Variants in CCDC146 observed in about 807,000 individuals in gnomAD.
CCDC146 encodes the protein coiled-coil domain containing 146.
Under a neutral mutation model 119.3 loss-of-function variants are expected in CCDC146, and 92 were observed. That is an observed-to-expected ratio of 0.77 (90% CI 0.65 to 0.92). CCDC146 has a LOEUF of 0.92. Among genes scored for constraint, CCDC146 ranks in the 40% least tolerant of loss-of-function variants. The pLI, the probability that CCDC146 is intolerant of heterozygous loss-of-function variation, is 0.00. For missense variants in CCDC146, 1,000 were observed against 1,103.0 expected (o/e 0.91, Z 1.32); for synonymous variants, 372 against 371.8 (o/e 1.00, Z -0.01).
At chr7:77,147,309 G>A (rs547239541) in intron 1 of CCDC146, among the ~76,000 whole-genome samples, 157 of 152,240 alleles carry the variant, frequency 1.0e-3, no homozygotes, top group African/African-American at 3.2e-3. Flanking sequence ...TTAGCCATTC[G>A]TCTAATCTTT....
At chr7:77,184,338 G>A (rs561003248) in intron 2 of CCDC146, among the ~76,000 whole-genome samples, 40 of 152,248 alleles carry the variant, frequency 2.6e-4, no homozygotes, top group African/African-American at 9.1e-4. Flanking sequence ...CTCTAGCAGC[G>A]CAGCATGTTA....
At chr7:77,270,762 G>A (rs958612127) in intron 9 of CCDC146, among the ~76,000 whole-genome samples, 2 of 152,106 alleles carry the variant, frequency 1.3e-5, no homozygotes, top group Admixed American at 1.3e-4. Flanking sequence ...GAAAAGTCTA[G>A]GATCCTTTTA....
intron 8 of CCDC146, among the ~76,000 whole-genome samples, chr7:77,260,831 A>G (rs1385575797): frequency 6.6e-6 from 1 of 151,788 alleles, no homozygotes; most frequent in Non-Finnish European, 1.5e-5. Flanking sequence ...GGGTATCACC[A>G]TGTTGGCCAG....
intron 1 of CCDC146, among the ~76,000 whole-genome samples, chr7:77,135,532 A>C (rs1790850137): frequency 6.6e-6 from 1 of 152,238 alleles, no homozygotes; most frequent in African/African-American, 2.4e-5. Flanking sequence ...AAGAGAAAAA[A>C]GAAAGTTGGT....
At chr7:77,200,958 AC>A (rs1419164139) in intron 2 of CCDC146, among the ~76,000 whole-genome samples, 2 of 152,172 alleles carry the variant, frequency 1.3e-5, no homozygotes, top group Non-Finnish European at 2.9e-5. Flanking sequence ...ATTACTTAAA[AC>A]ACTCTGTAGC....
chr7:77,224,678 G>C (rs1487850082), intron 2 of CCDC146, among the ~76,000 whole-genome samples: 1 of 152,156 alleles, frequency 6.6e-6, no homozygotes, highest in African/African-American at 2.4e-5. Flanking sequence ...AGACAGGTTT[G>C]GAGAAGGCGG....
intron 1 of CCDC146, among the ~76,000 whole-genome samples, chr7:77,159,521 G>C (rs1791226534): frequency 1.3e-5 from 2 of 151,778 alleles, no homozygotes; most frequent in African/African-American, 4.8e-5. Flanking sequence ...CAATTTCTTT[G>C]TCCATTCATA....
intron 15 of CCDC146, among the ~76,000 whole-genome samples, chr7:77,285,484 A>T (rs978485542): frequency 3.9e-5 from 6 of 152,222 alleles, no homozygotes; most frequent in Admixed American, 1.3e-4. Context: ...ATTAAATTTT[A>T]AAAATGCTAC....
rs78607107 is a variant in CCDC146 at position 77,167,007 on chromosome 7, A to G, written c.-11-651A>G. ...TTTAGTGTTAAGCATTTTGTTTCTG[A>G]AAATTCAAGTAAACTATTTGCAATT... On this transcript the variant is annotated intron_variant, in intron 1 of 18. Coordinates refer to ENST00000285871, the MANE Select transcript of CCDC146 (RefSeq NM_020879.3). 2.4e-4 allele frequency among the ~76,000 whole-genome samples: 36 copies of G among 152,344 alleles called. No individual in the cohort carries two copies. In the East Asian group the frequency reaches 6.9e-3, roughly 29 times the overall value.
intron 3 of CCDC146, 87 bp downstream of exon 3, chr7:77,237,116 A>G (rs1451793710): frequency 1.9e-6 from 2 of 1,067,886 alleles, no homozygotes; most frequent in East Asian, 2.5e-5. Context: ...GCATTCCCCC[A>G]TAAGCAGACC....
Position 77,256,315 on chromosome 7 carries a change from T to A in CCDC146, c.508-18T>A. ...TTGCTCAGACTATATAACCTAATCA[T>A]CTTCACGACTTTTAAAGGAAATGGA... On this transcript the variant is annotated intron_variant, in intron 5 of 18. Coordinates refer to ENST00000285871, the MANE Select transcript of CCDC146 (RefSeq NM_020879.3). 6.4e-7 allele frequency: 1 copy of A among 1,571,302 alleles called. No individual in the cohort carries two copies. Among genetic ancestry groups the A allele is most frequent in the Non-Finnish European group, 8.6e-7 (1 of 1,162,172 alleles).
At chr7:77,237,851 C>T (rs1451253898) in intron 3 of CCDC146, among the ~76,000 whole-genome samples, 1 of 152,152 alleles carries the variant, frequency 6.6e-6, no homozygotes, top group Non-Finnish European at 1.5e-5. Context: ...TGATTCTTTA[C>T]CACTCCCAAG....
chr7:77,203,263 T>C (rs1030216109), intron 2 of CCDC146, among the ~76,000 whole-genome samples: 1 of 151,880 alleles, frequency 6.6e-6, no homozygotes, highest in Non-Finnish European at 1.5e-5. Context: ...ACTCTGAAAT[T>C]TGCCTCTGAT....
chr7:77,147,782 G>A (rs539279450), intron 1 of CCDC146, among the ~76,000 whole-genome samples: 4 of 152,232 alleles, frequency 2.6e-5, no homozygotes, highest in Non-Finnish European at 5.9e-5. Flanking sequence ...CTTCGTCTCA[G>A]AGGGGTACCC....
chr7:77,249,770 T>A (rs1417204343), intron 4 of CCDC146, among the ~76,000 whole-genome samples: 3 of 152,198 alleles, frequency 2.0e-5, no homozygotes, highest in African/African-American at 7.2e-5. Flanking sequence ...TCTTTTTGGA[T>A]CCATTGTGAC....
At chr7:77,241,360 T>C (rs78388340) in intron 3 of CCDC146, among the ~76,000 whole-genome samples, 1,603 of 91,164 alleles carry the variant, frequency 0.018, 365 homozygotes, top group African/African-American at 0.042. Context: ...CCCGGCCACG[T>C]TGACAGTTTT....
At chr7:77,193,351 C>T (rs185262372) in intron 2 of CCDC146, 17 of 149,548 alleles carry the variant, frequency 1.1e-4, no homozygotes, top group Admixed American at 1.1e-3. Flanking sequence ...ACTTTTCAGA[C>T]ACAAGTAAGT....
At chr7:77,141,479 T>C (rs1790932424) in intron 1 of CCDC146, among the ~76,000 whole-genome samples, 1 of 152,232 alleles carries the variant, frequency 6.6e-6, no homozygotes, top group African/African-American at 2.4e-5. Context: ...TTCTTGATCC[T>C]TGAGGAATCG....
At chr7:77,172,847 G>T (rs2117498876) in intron 2 of CCDC146, among the ~76,000 whole-genome samples, 1 of 152,244 alleles carries the variant, frequency 6.6e-6, no homozygotes, top group East Asian at 1.9e-4. Context: ...CTAACAAAAT[G>T]CTTGCATAGA....
Sources: gnomAD v4.1 joint callset for allele counts (sites outside exome capture counted in the v4.1 genomes callset) on GRCh38, gnomAD v4.1.1 for gene constraint, MANE v1.5 for transcripts, NCBI Gene and HGNC (gene_info 2026-07-23, HGNC 2026-07-21) for gene names.